Variants in MPP4 observed in about 807,000 individuals in gnomAD.
MPP4 encodes MAGUK p55 subfamily member 4.
In MPP4, 91 loss-of-function variants were observed where a neutral mutation model predicts 98.3. The ratio of observed to expected loss-of-function variants is 0.93; its 90% CI spans 0.78 to 1.10. The LOEUF (loss-of-function observed/expected upper bound fraction) is 1.10, where lower values mean the gene tolerates loss of function less well. Ranked by LOEUF, MPP4 falls within the 50% of genes least tolerant of loss-of-function variation. MPP4 has a pLI of 0.00. For synonymous variants in MPP4, 261 were observed against 271.8 expected (o/e 0.96, Z 0.39); for missense variants, 744 against 792.9 (o/e 0.94, Z 0.74).
Position 201,649,029 on chromosome 2 carries a change from G to A in MPP4, c.1584+547C>T, listed in dbSNP as rs571384290. The stretch of plus-strand genomic sequence containing the variant: ...CAGTGAGCGGAGATCATGCCACTGC[G>A]CTCTAGTCTGGATGACAGAGCAGGG... On this transcript the variant is annotated intron_variant, in intron 20 of 21. Transcript: ENST00000409474. 2.0e-3 allele frequency among the ~76,000 whole-genome samples: 306 copies of A among 152,144 alleles called. 2 individuals carry two copies. The highest frequency in any genetic ancestry group is 7.1e-3 in the African/African-American group (295 of 41,498).
chr2:201,664,430 G>C, intron 13 of MPP4: 1 of 1,175,326 alleles, frequency 8.5e-7, no homozygotes, highest in South Asian at 1.3e-5. Context: ...GAAATCCCTA[G>C]AGACTGTTGG....
chr2:201,688,529 A>G (rs1688903176), intron 4 of MPP4, among the ~76,000 whole-genome samples: 1 of 152,226 alleles, frequency 6.6e-6, no homozygotes, highest in South Asian at 2.1e-4. Context: ...GATCAGGTAT[A>G]TATCTGGGCA....
At position 201,682,803 on chromosome 2, in the gene MPP4, T is replaced by C. The variant is rs367593748; in HGVS notation, c.660+28A>G. On this transcript the variant is annotated intron_variant, in intron 8 of 21. Coordinates refer to ENST00000409474, the MANE Select transcript of MPP4 (RefSeq NM_033066.3). ...TCAGCCTTGGCATTTCTCCAAGTCA[T>C]TAACAAAAAGGCAAAAAGAAGATTT... is the stretch of plus-strand genomic sequence containing the variant. 8 of 1,603,858 alleles carry C rather than the reference T, an allele frequency of 5.0e-6. No individual in the cohort carries two copies. In the African/African-American group the frequency reaches 1.1e-4, roughly 21 times the overall value.
intron 18 of MPP4, among the ~76,000 whole-genome samples, chr2:201,654,518 C>T (rs1468148455): frequency 4.0e-5 from 6 of 151,850 alleles, no homozygotes; most frequent in South Asian, 2.1e-4. Flanking sequence ...ATACCTAATG[C>T]TAAATGACGA....
chr2:201,684,961 G>GAAAAAAAAAAAAAAAAAAAAAAAA (rs71025250), intron 7 of MPP4, 103 bp downstream of exon 7: 1 of 629,534 alleles, frequency 1.6e-6, no homozygotes, highest in Non-Finnish European at 2.3e-6. Context: ...AAAAAAAAAA[G>GAAAAAAAAAAAAAAAAAAAAAAAA]AAAAAAAAAA....
chr2:201,666,256 C>A, intron 13 of MPP4, 78 bp downstream of exon 13: 1 of 1,275,880 alleles, frequency 7.8e-7, no homozygotes. Context: ...CCCCTTTGGA[C>A]ACCTCTGCTT....
intron 3 of MPP4, among the ~76,000 whole-genome samples, chr2:201,690,949 T>A (rs532748289): frequency 6.6e-6 from 1 of 152,344 alleles, no homozygotes; most frequent in African/African-American, 2.4e-5. Context: ...CCCTTGATCT[T>A]ATTTTAGGAA....
At chr2:201,674,959 CTA>C in intron 11 of MPP4, 1 of 618,872 alleles carries the variant, frequency 1.6e-6, no homozygotes, top group Non-Finnish European at 3.0e-6. Context: ...CTTCAACTCC[CTA>C]TGATTTCGTC....
intron 20 of MPP4, 67 bp from the exon 21 acceptor site, chr2:201,647,892 G>A: frequency 1.3e-6 from 2 of 1,482,690 alleles, no homozygotes. Context: ...GTCTTGCTCT[G>A]TCACCCAGGC....
chr2:201,674,899 C>A (rs1688458260), intron 11 of MPP4, among the ~76,000 whole-genome samples: 1 of 152,040 alleles, frequency 6.6e-6, no homozygotes, highest in Admixed American at 6.6e-5. Context: ...GACCCACCAA[C>A]CAATGGCTCC....
intron 11 of MPP4, among the ~76,000 whole-genome samples, chr2:201,672,690 G>A (rs1287102696): frequency 2.6e-5 from 4 of 152,070 alleles, no homozygotes; most frequent in Admixed American, 6.6e-5. Context: ...ACCCTCCCAT[G>A]ACTAAACCAG....
chr2:201,666,599 A>G (rs1205518203), intron 12 of MPP4: 5 of 356,030 alleles, frequency 1.4e-5, no homozygotes, highest in Non-Finnish European at 2.5e-5. Flanking sequence ...GCACATGCCT[A>G]TATAATCCCA....
At chr2:201,670,583 A>G (rs1280412213) in intron 11 of MPP4, among the ~76,000 whole-genome samples, 1 of 152,250 alleles carries the variant, frequency 6.6e-6, no homozygotes, top group East Asian at 1.9e-4. Flanking sequence ...AATGAAAACC[A>G]GAAGTTATAC....
chr2:201,682,800 T>A, intron 8 of MPP4, 31 bp downstream of exon 8: 1 of 1,595,832 alleles, frequency 6.3e-7, no homozygotes, highest in Non-Finnish European at 8.6e-7. Flanking sequence ...TTTCTCCAAG[T>A]CATTAACAAA....
In MPP4 at chr2:201,650,131, A is replaced by G; in HGVS notation, c.1416T>C (p.Asn472=). ...TTRTKKSYEM[N]GREYHYVSKE... is the part of the protein sequence containing the mutation. Reference sequence around the variant, plus strand: ...TGGACACATAGTGATACTCACGCCCATTCATTTCGTAACTCTTTTTAGTAC... The same window carrying G: ...TGGACACATAGTGATACTCACGCCCGTTCATTTCGTAACTCTTTTTAGTAC... Residue 472 remains asparagine, a synonymous_variant, in exon 19 of 22, where the codon AAT becomes AAC. Coordinates refer to ENST00000409474, the MANE Select transcript of MPP4 (RefSeq NM_033066.3). 6.3e-7 allele frequency: 1 copy of G among 1,579,890 alleles called. No homozygotes were observed. The highest frequency in any genetic ancestry group is 8.6e-7 in the Non-Finnish European group (1 of 1,160,766).
intron 16 of MPP4, among the ~76,000 whole-genome samples, chr2:201,658,267 T>C (rs1687916308): frequency 6.6e-6 from 1 of 152,146 alleles, no homozygotes; most frequent in South Asian, 2.1e-4. Flanking sequence ...GAGTAATTAA[T>C]AGATAACCCA....
chr2:201,656,500 A>C, intron 16 of MPP4, 132 bp from the exon 17 acceptor site: 1 of 873,478 alleles, frequency 1.1e-6, no homozygotes, highest in Non-Finnish European at 1.7e-6. Context: ...CTGAAGTTAG[A>C]AGATGGGAAG....
At chr2:201,684,218 C>CAA (rs10578908) in intron 7 of MPP4, among the ~76,000 whole-genome samples, 1 of 137,102 alleles carries the variant, frequency 7.3e-6, no homozygotes. Flanking sequence ...GACCCTGTCT[C>CAA]AAAAAAAAAA....
chr2:201,690,081 A>G (rs975227100), intron 4 of MPP4, 121 bp downstream of exon 4: 2 of 545,808 alleles, frequency 3.7e-6, no homozygotes, highest in Non-Finnish European at 6.3e-6. Flanking sequence ...AGAAACATTT[A>G]TTAGATGCAT....
Sources: allele counts gnomAD v4.1 joint callset (sites outside exome capture counted in the v4.1 genomes callset), GRCh38; gene constraint gnomAD v4.1.1; transcripts MANE v1.5; gene names NCBI Gene and HGNC (gene_info 2026-07-23, HGNC 2026-07-21).